Variants in DOCK3 observed in about 807,000 individuals in gnomAD.
DOCK3 encodes dedicator of cytokinesis 3.
Under a neutral mutation model 265.6 loss-of-function variants are expected in DOCK3, and 60 were observed. The ratio of observed to expected loss-of-function variants is 0.23; its 90% CI spans 0.18 to 0.28. The LOEUF (loss-of-function observed/expected upper bound fraction) is 0.28. Among genes scored for constraint, DOCK3 ranks in the 10% least tolerant of loss-of-function variants. The probability of loss-of-function intolerance (pLI) is 1.00; values close to 1 mark genes in which losing one functional copy is unlikely to be tolerated. For missense variants in DOCK3, 1,981 were observed against 2,594.3 expected, an observed-to-expected ratio of 0.76 and a Z score of 5.14; for synonymous variants, 881 against 938.0, an observed-to-expected ratio of 0.94 and a Z score of 1.11.
intron 10 of DOCK3, among the ~76,000 whole-genome samples, chr3:51,148,879 G>T (rs549897851): frequency 7.2e-5 from 11 of 152,304 alleles, no homozygotes; most frequent in African/African-American, 2.6e-4. Context: ...ATTCTGTGAA[G>T]AAAGTCATTG....
chr3:50,780,796 A>G (rs898599571), intron 2 of DOCK3, among the ~76,000 whole-genome samples: 2 of 152,026 alleles, frequency 1.3e-5, no homozygotes, highest in Non-Finnish European at 2.9e-5. Context: ...TCTAGTTGTA[A>G]TTTTGTATCC....
intron 10 of DOCK3, among the ~76,000 whole-genome samples, chr3:51,150,229 T>C (rs2107360469): frequency 6.6e-6 from 1 of 152,168 alleles, no homozygotes. Flanking sequence ...TTCTTCTCTC[T>C]TTTCTTTATT....
intron 9 of DOCK3, among the ~76,000 whole-genome samples, chr3:51,135,885 G>C (rs2084771224): frequency 6.6e-6 from 1 of 151,908 alleles, no homozygotes; most frequent in Non-Finnish European, 1.5e-5. Flanking sequence ...TAATATTTAA[G>C]TTTTTGTAGA....
intron 4 of DOCK3, among the ~76,000 whole-genome samples, chr3:50,906,310 A>T (rs901780887): frequency 6.6e-6 from 1 of 151,752 alleles, no homozygotes; most frequent in Non-Finnish European, 1.5e-5. Context: ...GTCTTTTTCT[A>T]TTGATTGGAA....
chr3:50,951,008 T>A (rs2076576811), intron 5 of DOCK3, among the ~76,000 whole-genome samples: 1 of 152,142 alleles, frequency 6.6e-6, no homozygotes, highest in East Asian at 1.9e-4. Context: ...GAATAAATAT[T>A]GTTTGCTTTT....
At chr3:50,818,678 A>G (rs1032464411) in intron 2 of DOCK3, among the ~76,000 whole-genome samples, 20 of 152,340 alleles carry the variant, frequency 1.3e-4, no homozygotes, top group Non-Finnish European at 2.4e-4. Context: ...ACAGGAAGGG[A>G]GAGGGGAGAA....
intron 9 of DOCK3, among the ~76,000 whole-genome samples, chr3:51,134,834 A>G (rs2084721191): frequency 2.6e-5 from 4 of 152,148 alleles, no homozygotes; most frequent in Admixed American, 2.6e-4. Context: ...TTGAGTTCAA[A>G]CCTTTCCAGA....
At chr3:51,177,856 T>C (rs2107691562) in intron 12 of DOCK3, among the ~76,000 whole-genome samples, 1 of 152,176 alleles carries the variant, frequency 6.6e-6, no homozygotes, top group East Asian at 1.9e-4. Context: ...TTCAGCATAG[T>C]GGCGCATGCC....
At chr3:51,062,699 GATGAATGA>G (rs2081452119) in intron 5 of DOCK3, among the ~76,000 whole-genome samples, 1 of 152,206 alleles carries the variant, frequency 6.6e-6, no homozygotes, top group South Asian at 2.1e-4. Flanking sequence ...TTGTTAATTG[GATGAATGA>G]ATGAATGCTT....
chr3:50,984,891 A>G (rs1302592469), intron 5 of DOCK3, among the ~76,000 whole-genome samples: 1 of 152,232 alleles, frequency 6.6e-6, no homozygotes, highest in Non-Finnish European at 1.5e-5. Flanking sequence ...TAAGTAACCT[A>G]GAGATGATTG....
At chr3:51,027,079 A>C (rs899736928) in intron 5 of DOCK3, among the ~76,000 whole-genome samples, 1 of 152,074 alleles carries the variant, frequency 6.6e-6, no homozygotes, top group African/African-American at 2.4e-5. Context: ...TATCTTCTTG[A>C]TGTAGGCATT....
chr3:51,127,368 A>C (rs973983638), intron 9 of DOCK3, among the ~76,000 whole-genome samples: 1 of 152,176 alleles, frequency 6.6e-6, no homozygotes, highest in Non-Finnish European at 1.5e-5. Context: ...CCCCTTGTCA[A>C]CTTGAACCCA....
intron 22 of DOCK3, among the ~76,000 whole-genome samples, chr3:51,259,636 T>C (rs995680094): frequency 6.6e-6 from 1 of 152,212 alleles, no homozygotes; most frequent in Non-Finnish European, 1.5e-5. Context: ...GGACAGGTTT[T>C]CTTCAGATTT....
At chr3:50,873,055 G>A (rs2047509459) in intron 3 of DOCK3, among the ~76,000 whole-genome samples, 1 of 152,186 alleles carries the variant, frequency 6.6e-6, no homozygotes, top group Admixed American at 6.5e-5. Flanking sequence ...TTCCTAAGGT[G>A]CAAGAGAAAG....
chr3:51,142,875 T>G (rs2085125475), intron 9 of DOCK3, among the ~76,000 whole-genome samples: 1 of 152,140 alleles, frequency 6.6e-6, no homozygotes, highest in African/African-American at 2.4e-5. Context: ...CTTACCAACC[T>G]TTGGTATATT....
chr3:50,964,323 A>C (rs2076969026), intron 5 of DOCK3, among the ~76,000 whole-genome samples: 1 of 152,188 alleles, frequency 6.6e-6, no homozygotes, highest in African/African-American at 2.4e-5. Flanking sequence ...ATTTGAAACC[A>C]ACCCTGAACT....
chr3:50,731,385 T>C (rs1289572982), intron 1 of DOCK3, among the ~76,000 whole-genome samples: 1 of 152,170 alleles, frequency 6.6e-6, no homozygotes, highest in Non-Finnish European at 1.5e-5. Context: ...ACTATGGACT[T>C]TGTGTAATTA....
intron 12 of DOCK3, among the ~76,000 whole-genome samples, chr3:51,202,750 A>G: frequency 6.6e-6 from 1 of 151,934 alleles, no homozygotes; most frequent in East Asian, 1.9e-4. Context: ...CTTGATGAAC[A>G]TTGATGCAAA....
chr3:50,961,562 G>C (rs1239282170), intron 5 of DOCK3, among the ~76,000 whole-genome samples: 3 of 152,118 alleles, frequency 2.0e-5, no homozygotes, highest in Admixed American at 6.5e-5. Context: ...CTCTGAGTGA[G>C]GAACATATTG....
Sources: allele counts gnomAD v4.1 joint callset (sites outside exome capture counted in the v4.1 genomes callset), GRCh38; gene constraint gnomAD v4.1.1; transcripts MANE v1.5; gene names NCBI Gene and HGNC (gene_info 2026-07-23, HGNC 2026-07-21).